The following NBEA variants were observed in gnomAD, a reference collection of about 807,000 sequenced individuals.
NBEA encodes the protein neurobeachin, also known as lysosomal-trafficking regulator 2.
In NBEA, 44 loss-of-function variants were observed where a neutral mutation model predicts 343.4. The ratio of observed to expected loss-of-function variants is 0.13; its 90% CI spans 0.10 to 0.16. NBEA has a LOEUF of 0.16. Among genes scored for constraint, NBEA ranks in the 10% least tolerant of loss-of-function variants. NBEA has a pLI of 1.00. For synonymous variants in NBEA, 1,175 were observed against 1,238.7 expected (o/e 0.95, Z 1.08); for missense variants, 2,555 against 3,631.3 (o/e 0.70, Z 7.62).
chr13:35,436,794 T>C (rs1427416208), intron 39 of NBEA, among the ~76,000 whole-genome samples: 1 of 151,862 alleles, frequency 6.6e-6, no homozygotes, highest in Non-Finnish European at 1.5e-5. Context: ...AAAAATTTTA[T>C]ATTGATCCAC....
At chr13:35,437,821 GGGT>G in intron 39 of NBEA, among the ~76,000 whole-genome samples, 1 of 152,106 alleles carries the variant, frequency 6.6e-6, no homozygotes, top group South Asian at 2.1e-4. Context: ...TGAAAAAGGA[GGGT>G]TTTGTATATT....
At chr13:35,219,863 TAG>T (rs2074266588) in intron 33 of NBEA, among the ~76,000 whole-genome samples, 1 of 152,162 alleles carries the variant, frequency 6.6e-6, no homozygotes, top group Non-Finnish European at 1.5e-5. Flanking sequence ...TTCAACTGAC[TAG>T]ATGAAGCCTT....
At chr13:34,970,062 G>A (rs2059952061) in intron 1 of NBEA, among the ~76,000 whole-genome samples, 1 of 151,946 alleles carries the variant, frequency 6.6e-6, no homozygotes, top group Non-Finnish European at 1.5e-5. Context: ...GCATCTGTTG[G>A]TTTTTGACTT....
At chr13:35,228,428 G>A (rs1039903054) in intron 33 of NBEA, among the ~76,000 whole-genome samples, 1 of 148,502 alleles carries the variant, frequency 6.7e-6, no homozygotes, top group Non-Finnish European at 1.5e-5. Flanking sequence ...ATTTTGTTTT[G>A]TGGATATATT....
At chr13:35,174,443 CAGTAACT>C (rs1210138082) in intron 27 of NBEA, among the ~76,000 whole-genome samples, 2 of 152,082 alleles carry the variant, frequency 1.3e-5, no homozygotes, top group Non-Finnish European at 2.9e-5. Context: ...AATATTGATA[CAGTAACT>C]TTTTGCTCAA....
chr13:35,258,288 C>T (rs573942272), intron 34 of NBEA, among the ~76,000 whole-genome samples: 1 of 151,926 alleles, frequency 6.6e-6, no homozygotes, highest in Admixed American at 6.6e-5. Context: ...CTGCCTCAGC[C>T]TCCTGAGTAG....
chr13:35,382,458 A>G (rs1210372162), intron 38 of NBEA, among the ~76,000 whole-genome samples: 1 of 152,200 alleles, frequency 6.6e-6, no homozygotes, highest in Admixed American at 6.5e-5. Context: ...GGAGAAACAC[A>G]AGCCATATAG....
At chr13:35,370,124 G>T (rs963947712) in intron 38 of NBEA, among the ~76,000 whole-genome samples, 2 of 151,858 alleles carry the variant, frequency 1.3e-5, no homozygotes, top group African/African-American at 4.8e-5. Context: ...CTGATGTAGG[G>T]TGTTGAAATT....
intron 47 of NBEA, among the ~76,000 whole-genome samples, chr13:35,601,931 A>G (rs1224417886): frequency 1.3e-5 from 2 of 152,122 alleles, no homozygotes; most frequent in Admixed American, 6.5e-5. Flanking sequence ...TACCCACCCA[A>G]TCTTTACCTC....
At chr13:35,476,904 T>C in intron 41 of NBEA, 2 of 740,894 alleles carry the variant, frequency 2.7e-6, no homozygotes, top group Non-Finnish European at 3.4e-6. Context: ...AAGAGGAATC[T>C]CTCAGCTTTG....
At chr13:35,445,978 C>T (rs1018107118) in intron 39 of NBEA, among the ~76,000 whole-genome samples, 4 of 151,410 alleles carry the variant, frequency 2.6e-5, no homozygotes, top group Non-Finnish European at 5.9e-5. Context: ...CTCCCCACCC[C>T]ACAACAGGCC....
At chr13:35,346,539 G>A (rs1483174925) in intron 36 of NBEA, among the ~76,000 whole-genome samples, 1 of 152,002 alleles carries the variant, frequency 6.6e-6, no homozygotes, top group Non-Finnish European at 1.5e-5. Flanking sequence ...TTTTTCCTAA[G>A]TATTGTCACA....
intron 26 of NBEA, 132 bp from the exon 27 acceptor site, chr13:35,173,332 C>A (rs940029996): frequency 7.0e-6 from 5 of 715,000 alleles, no homozygotes; most frequent in African/African-American, 5.5e-5. Flanking sequence ...AATTATTGAT[C>A]TAGTTGATTT....
intron 45 of NBEA, among the ~76,000 whole-genome samples, chr13:35,576,034 C>T (rs1015637489): frequency 3.3e-5 from 5 of 152,048 alleles, no homozygotes; most frequent in South Asian, 2.1e-4. Context: ...TGTCATTTAA[C>T]TCGCTGTAAC....
chr13:35,403,194 ATAAAT>A (rs2152908367), intron 38 of NBEA, among the ~76,000 whole-genome samples: 1 of 150,778 alleles, frequency 6.6e-6, no homozygotes, highest in East Asian at 1.9e-4. Flanking sequence ...ATTAATTAAA[ATAAAT>A]TACTTAAAAT....
In NBEA at chr13:35,159,357, G is replaced by C; in HGVS notation, c.3186G>C (p.Glu1062Asp). 6.2e-7 allele frequency: 1 copy of C among 1,613,472 alleles called. No homozygotes were observed. Among genetic ancestry groups the C allele is most frequent in the Non-Finnish European group, 8.5e-7 (1 of 1,179,686 alleles). ...ATCTTTTAGTAGATATAAAAGCAGAGAAAGTGGAAGCAACAGAAGTAAAGC... is the reference window on the plus strand; with the variant it reads ...ATCTTTTAGTAGATATAAAAGCAGACAAAGTGGAAGCAACAGAAGTAAAGC... ...VHDLLVDIKA[E>D]KVEATEVKLD... The change falls in exon 22 of 59, where the codon GAG (glutamate) becomes GAC (aspartate). Residue 1062 changes from glutamate (E) to aspartate (D), a missense_variant. Glu to Asp is a conservative substitution (Grantham distance 45). Coordinates refer to ENST00000379939, the MANE Select transcript of NBEA (RefSeq NM_001385012.1).
intron 1 of NBEA, among the ~76,000 whole-genome samples, chr13:35,019,256 C>A (rs1261310731): frequency 1.3e-5 from 2 of 150,722 alleles, no homozygotes; most frequent in Non-Finnish European, 1.5e-5. Flanking sequence ...ATATTGTTGA[C>A]TCATGGGTTT....
chr13:35,068,880 T>C (rs1455072512), intron 8 of NBEA, among the ~76,000 whole-genome samples: 1 of 152,196 alleles, frequency 6.6e-6, no homozygotes, highest in Admixed American at 6.5e-5. Flanking sequence ...GGGCCACTTT[T>C]AGAAAGGACA....
At chr13:35,643,127 A>T (rs2153074613) in intron 49 of NBEA, among the ~76,000 whole-genome samples, 1 of 151,862 alleles carries the variant, frequency 6.6e-6, no homozygotes, top group African/African-American at 2.4e-5. Flanking sequence ...GGAAATTTTT[A>T]AGGGAAAATT....
Sources: allele counts gnomAD v4.1 joint callset (sites outside exome capture counted in the v4.1 genomes callset), GRCh38; gene constraint gnomAD v4.1.1; transcripts MANE v1.5; gene names NCBI Gene and HGNC (gene_info 2026-07-23, HGNC 2026-07-21).